The following CDKAL1 variants were observed in gnomAD, a reference collection of about 807,000 sequenced individuals.
The protein encoded by CDKAL1 is CDKAL1 threonylcarbamoyladenosine tRNA methylthiotransferase.
In CDKAL1, 32 loss-of-function variants were observed where a neutral mutation model predicts 68.2. The observed-to-expected ratio is 0.47, with a 90% CI of 0.35 to 0.63. CDKAL1 has a LOEUF of 0.63. Ranked by LOEUF, CDKAL1 falls within the 30% of genes least tolerant of loss-of-function variation. The probability of loss-of-function intolerance (pLI) is 0.00; values close to 1 mark genes in which losing one functional copy is unlikely to be tolerated. For synonymous variants in CDKAL1, 234 were observed against 244.3 expected (o/e 0.96, Z 0.39); for missense variants, 606 against 696.7 (o/e 0.87, Z 1.47).
chr6:20,688,130 AC>A (rs970455998), intron 5 of CDKAL1, among the ~76,000 whole-genome samples: 3 of 145,888 alleles, frequency 2.1e-5, no homozygotes, highest in Admixed American at 6.8e-5. Flanking sequence ...TTCCCCCCTC[AC>A]CCCCCACCTC....
In CDKAL1 at chr6:21,056,073, G is replaced by A. The variant is rs573041095; in HGVS notation, c.1056-8975G>A. The stretch of plus-strand genomic sequence containing the variant: ...TTTACTAATTGCCATTCTGACTGGT[G>A]TGAGATGGTATGTCATTGTGGTTTT... On this transcript the variant is annotated intron_variant, in intron 11 of 15. Coordinates refer to ENST00000274695, the MANE Select transcript of CDKAL1 (RefSeq NM_017774.3). Among the ~76,000 whole-genome samples the A allele has an allele frequency of 4.6e-4, 70 of 152,268 alleles. 2 individuals carry two copies. In the South Asian group the frequency reaches 0.014, roughly 30 times the overall value.
At chr6:21,074,491 C>T (rs770033860) in intron 12 of CDKAL1, among the ~76,000 whole-genome samples, 21 of 152,132 alleles carry the variant, frequency 1.4e-4, no homozygotes, top group Admixed American at 4.6e-4. Flanking sequence ...ATTCAATCCA[C>T]GAGACTCTTC....
At chr6:20,676,048 TAAA>T (rs1188135560) in intron 5 of CDKAL1, among the ~76,000 whole-genome samples, 2 of 152,042 alleles carry the variant, frequency 1.3e-5, no homozygotes, top group African/African-American at 4.8e-5. Context: ...GTTTTTTAAA[TAAA>T]AAAAGGTTAT....
At chr6:20,618,314 C>T (rs1767018717) in intron 4 of CDKAL1, among the ~76,000 whole-genome samples, 1 of 152,078 alleles carries the variant, frequency 6.6e-6, no homozygotes, top group South Asian at 2.1e-4. Flanking sequence ...TGGATATTAG[C>T]CCTTTGTCAG....
intron 9 of CDKAL1, among the ~76,000 whole-genome samples, chr6:20,856,088 A>C (rs922077626): frequency 2.6e-5 from 4 of 152,202 alleles, no homozygotes; most frequent in Admixed American, 2.6e-4. Flanking sequence ...TATTTAATGA[A>C]GATTCTTGCC....
rs750092106 is a variant in CDKAL1, at chr6:21,108,397, A to G, written c.1237-4A>G. The G allele has an allele frequency of 3.1e-6, 5 of 1,598,802 alleles. No individual in the cohort carries two copies. Among genetic ancestry groups the G allele is most frequent in the South Asian group, 1.1e-5 (1 of 87,578 alleles). ...TTTTTTGTTTTTTTTGTTTTTTTTC[A>G]CAGAAAAAGCAAAGGACAAAAGATC... On this transcript the variant is annotated splice_region_variant and splice_polypyrimidine_tract_variant and intron_variant, in intron 12 of 15. Transcript: ENST00000274695.
At chr6:20,917,607 C>T (rs1762776376) in intron 9 of CDKAL1, among the ~76,000 whole-genome samples, 1 of 152,200 alleles carries the variant, frequency 6.6e-6, no homozygotes, top group Non-Finnish European at 1.5e-5. Flanking sequence ...TTTCGGTGCA[C>T]CTGTACACTA....
At chr6:20,684,189 C>T (rs964574866) in intron 5 of CDKAL1, among the ~76,000 whole-genome samples, 7 of 152,176 alleles carry the variant, frequency 4.6e-5, no homozygotes, top group Non-Finnish European at 2.9e-5. Flanking sequence ...TGCCTGTAAT[C>T]CCCGCACTTT....
chr6:20,690,639 T>G (rs1250758469), intron 5 of CDKAL1, among the ~76,000 whole-genome samples: 1 of 152,056 alleles, frequency 6.6e-6, no homozygotes, highest in Non-Finnish European at 1.5e-5. Context: ...AAAATAGAAT[T>G]TTTTTTATAT....
At chr6:20,754,905 G>A (rs1413452287) in intron 6 of CDKAL1, among the ~76,000 whole-genome samples, 2 of 152,128 alleles carry the variant, frequency 1.3e-5, no homozygotes, top group African/African-American at 4.8e-5. Context: ...TTATGGCTGT[G>A]TTTTCTTCTA....
chr6:21,132,177 AAGAT>A (rs1349823542), intron 13 of CDKAL1, among the ~76,000 whole-genome samples: 3 of 152,166 alleles, frequency 2.0e-5, no homozygotes, highest in African/African-American at 7.2e-5. Context: ...TAGAGACAGA[AAGAT>A]CTCTTTGCAC....
chr6:20,892,658 A>G (rs193272139), intron 9 of CDKAL1, among the ~76,000 whole-genome samples: 2 of 152,352 alleles, frequency 1.3e-5, no homozygotes, highest in East Asian at 3.9e-4. Context: ...TTCTCCATCT[A>G]CAGAATCATC....
At chr6:20,662,017 AT>A (rs1381211546) in intron 5 of CDKAL1, among the ~76,000 whole-genome samples, 1 of 152,062 alleles carries the variant, frequency 6.6e-6, no homozygotes, top group African/African-American at 2.4e-5. Flanking sequence ...GCCAAGAGTG[AT>A]TTCCTATTGT....
At chr6:20,635,877 G>C (rs1237891283) in intron 4 of CDKAL1, among the ~76,000 whole-genome samples, 1 of 152,212 alleles carries the variant, frequency 6.6e-6, no homozygotes, top group Non-Finnish European at 1.5e-5. Flanking sequence ...CAAAGAAACA[G>C]GTAAACTTTA....
At chr6:20,852,344 C>G (rs1264032904) in intron 9 of CDKAL1, among the ~76,000 whole-genome samples, 1 of 152,158 alleles carries the variant, frequency 6.6e-6, no homozygotes, top group Non-Finnish European at 1.5e-5. Flanking sequence ...TTTCTAGGCA[C>G]TGAACCCTCA....
At chr6:20,758,095 G>T (rs1354376727) in intron 6 of CDKAL1, among the ~76,000 whole-genome samples, 1 of 144,262 alleles carries the variant, frequency 6.9e-6, no homozygotes, top group Non-Finnish European at 1.5e-5. Flanking sequence ...ATTTGACTTT[G>T]TATTTCATGG....
intron 4 of CDKAL1, among the ~76,000 whole-genome samples, chr6:20,561,508 C>A (rs1195235981): frequency 1.4e-5 from 2 of 143,252 alleles, no homozygotes; most frequent in African/African-American, 5.2e-5. Flanking sequence ...TTAAGCCAGA[C>A]TGTAAAACCA....
At chr6:20,840,292 A>G (rs1182124221) in intron 8 of CDKAL1, among the ~76,000 whole-genome samples, 4 of 152,272 alleles carry the variant, frequency 2.6e-5, no homozygotes, top group African/African-American at 4.8e-5. Context: ...CCCTCAAACT[A>G]TTTTAAAGAT....
chr6:21,231,995 T>TTTTTTTG lies in CDKAL1; in HGVS notation c.*962_*963insGTTTTTT. 2 of 137,848 alleles carry TTTTTTTG rather than the reference T, an allele frequency of 1.5e-5. No individual in the cohort carries two copies. Among genetic ancestry groups the TTTTTTTG allele is most frequent in the African/African-American group, 2.6e-5 (1 of 38,348 alleles). The allele number at this position is 137,848 out of a possible 1,614,324, so 8.5% of individuals were successfully genotyped here. A position where few individuals can be genotyped will look rare whatever the true frequency, so the allele number is the denominator to read the frequency against. On this transcript the variant is annotated 3_prime_UTR_variant, in exon 16 of 16. Transcript: ENST00000274695. ...CTCACATTTTTGATCCATTGGGGTT[T>TTTTTTTG]TTTTTTTGTTTTTGTTTTTTTTTTT...
Sources: allele counts gnomAD v4.1 joint callset (sites outside exome capture counted in the v4.1 genomes callset), GRCh38; gene constraint gnomAD v4.1.1; transcripts MANE v1.5; gene names NCBI Gene and HGNC (gene_info 2026-07-23, HGNC 2026-07-21).